Variants in MGAM observed in about 807,000 individuals in gnomAD.
The protein encoded by MGAM is alpha-1,4-glucosidase.
MGAM carries 253 observed loss-of-function variants against 358.8 expected under a neutral mutation model. The observed-to-expected ratio is 0.71, with a 90% CI of 0.64 to 0.78. The LOEUF (loss-of-function observed/expected upper bound fraction) is 0.78, where lower values mean the gene tolerates loss of function less well. Ranked by LOEUF, MGAM falls within the 30% of genes least tolerant of loss-of-function variation. The pLI, the probability that MGAM is intolerant of heterozygous loss-of-function variation, is 0.00. For synonymous variants in MGAM, 1,105 were observed against 1,227.1 expected (o/e 0.90, Z 2.08); for missense variants, 3,080 against 3,432.6 (o/e 0.90, Z 2.57).
Position 142,040,139 on chromosome 7 carries a change from G to A in MGAM, c.2341G>A (p.Val781Met), listed in dbSNP as rs1267649496. 1.2e-6 allele frequency: 2 copies of A among 1,612,794 alleles called. No individual in the cohort carries two copies. The highest frequency in any genetic ancestry group is 1.7e-6 in the Non-Finnish European group (2 of 1,179,226). Residue 781 changes from valine (V) to methionine (M), a missense_variant, in exon 20 of 71, where the codon GTG becomes ATG. Val to Met is a conservative substitution (Grantham distance 21, BLOSUM62 1). Transcript: ENST00000475668. Reference sequence around the variant, plus strand: ...GGGTGCAGAGAAAGTGATGGCATATGTGCCTGATGCTGTCTGGTATGACTA... The same window carrying A: ...GGGTGCAGAGAAAGTGATGGCATATATGCCTGATGCTGTCTGGTATGACTA... Reference protein sequence around the residue: ...DEGAEKVMAYVPDAVWYDYET... With the variant: ...DEGAEKVMAYMPDAVWYDYET...
chr7:142,071,096 C>T lies in MGAM; in HGVS notation c.5164C>T (p.Pro1722Ser). ...GGGCTACATCCTGCCCTGGCAAGAG[C>T]CTGCACTGAACACCCACTTAAGGTG... is the stretch of plus-strand genomic sequence containing the variant. ...RGGYILPWQE[P>S]ALNTHLSRKN... Residue 1722 changes from proline (P) to serine (S), a missense_variant, in exon 44 of 71, where the codon CCT becomes TCT. Physicochemically the swap from Pro to Ser is moderately conservative, Grantham distance 74. Around this residue, in one of 5 missense-constraint regions of MGAM, gnomAD observed 932 missense variants for 1,198.2 expected, o/e 0.78. Coordinates refer to ENST00000475668, the MANE Select transcript of MGAM (RefSeq NM_001365693.1). The T allele has an allele frequency of 1.3e-6, 2 of 1,555,822 alleles. No individual in the cohort carries two copies. Among genetic ancestry groups the T allele is most frequent in the Non-Finnish European group, 1.8e-6 (2 of 1,132,246 alleles).
intron 20 of MGAM, 169 bp downstream of exon 20, chr7:142,040,340 T>A (rs902307201): frequency 1.6e-6 from 1 of 622,140 alleles, no homozygotes; most frequent in Admixed American, 3.0e-5. Flanking sequence ...ACCGTTAACA[T>A]CAGTCATGAT....
intron 35 of MGAM, 43 bp from the exon 36 acceptor site, chr7:142,063,456 A>G (rs1371391792): frequency 6.3e-7 from 1 of 1,594,958 alleles, no homozygotes; most frequent in Non-Finnish European, 8.5e-7. Context: ...GCAGGACGTA[A>G]TTATCTTAAA....
intron 3 of MGAM, among the ~76,000 whole-genome samples, chr7:142,015,924 A>G (rs1416440124): frequency 1.3e-5 from 2 of 151,824 alleles, no homozygotes; most frequent in Non-Finnish European, 2.9e-5. Context: ...GTTTTTTTTA[A>G]TGAATCACAC....
intron 36 of MGAM, 134 bp from the exon 37 acceptor site, chr7:142,064,250 G>A: frequency 7.4e-7 from 1 of 1,342,850 alleles, no homozygotes; most frequent in Non-Finnish European, 1.0e-6. Context: ...CTGTGCTCAT[G>A]TCTCTGGGGA....
At chr7:142,002,967 A>G (rs1804851168) in intron 1 of MGAM, among the ~76,000 whole-genome samples, 1 of 136,436 alleles carries the variant, frequency 7.3e-6, no homozygotes, top group African/African-American at 2.6e-5. Context: ...CAAGAACTCA[A>G]TCCCATTTAC....
rs369689890 is a variant in MGAM, at chr7:142,021,013, T to C, written c.488T>C (p.Val163Ala). Residue 163 changes from valine to alanine, a missense_variant, in exon 5 of 71, where the codon GTG (valine) becomes GCG (alanine). Val to Ala is a moderately conservative substitution (Grantham distance 64). This residue lies in a region of MGAM where 1,816 missense variants were observed against 1,840.5 expected (regional missense o/e 0.99). Coordinates refer to ENST00000475668, the MANE Select transcript of MGAM (RefSeq NM_001365693.1). The part of the protein sequence containing the change: ...ARLKNLPSSP[V>A]FGSNVDNVLL... ...TTGAAAAATCTGCCTTCTTCACCAG[T>C]GTTTGGAAGCAATGTTGACAATGTT... 67 of 1,613,810 alleles carry C rather than the reference T, an allele frequency of 4.2e-5. No individual in the cohort carries two copies. In the African/African-American group the frequency reaches 8.5e-4, roughly 21 times the overall value.
intron 17 of MGAM, 51 bp from the exon 18 acceptor site, chr7:142,036,772 T>G (rs1343319715): frequency 1.3e-6 from 2 of 1,565,102 alleles, no homozygotes; most frequent in Non-Finnish European, 1.7e-6. Context: ...CTGCAGGTGC[T>G]TCTGCTATCC....
rs1815422089 is a variant in MGAM at position 142,091,925 on chromosome 7, T to C, written c.6823T>C (p.Tyr2275His). The change falls in exon 58 of 71, where the codon TAT becomes CAT. Residue 2275 changes from tyrosine to histidine, a missense_variant. By Grantham distance (83) the Tyr-to-His change is moderately conservative. Transcript: ENST00000475668. ...TTCTTTTTTATAGCTATATCGAGCTTATGTGGCCTTCCCAGACTTTTTCCG... is the reference window on the plus strand; with the variant it reads ...TTCTTTTTTATAGCTATATCGAGCTCATGTGGCCTTCCCAGACTTTTTCCG... ...WDSQVELYRA[Y>H]VAFPDFFRNS... 2.0e-6 allele frequency: 3 copies of C among 1,504,446 alleles called. No homozygotes were observed. The African/African-American group carries it at 4.1e-5, about 20-fold the overall frequency. The allele number at this position is 1,504,446 out of a possible 1,614,324, so 93.2% of individuals were successfully genotyped here.
At position 142,103,242 on chromosome 7, in the gene MGAM, A is replaced by G. The variant is rs779803451; in HGVS notation, c.8014-27A>G. The G allele has an allele frequency of 1.1e-5, 17 of 1,533,300 alleles. No homozygotes were observed. The East Asian group carries it at 2.5e-4, about 23-fold the overall frequency. 95.0% of individuals were successfully genotyped at this position (1,533,300 alleles called of 1,614,324 possible). On this transcript the variant is annotated intron_variant, in intron 69 of 70. Coordinates refer to ENST00000475668, the MANE Select transcript of MGAM (RefSeq NM_001365693.1). Reference sequence around the variant, plus strand: ...AAATTTGAACTAATTCTGCTATTATATTTTTCTTTTATCTCCAATTCAACA... The same window carrying G: ...AAATTTGAACTAATTCTGCTATTATGTTTTTCTTTTATCTCCAATTCAACA...
chr7:142,005,980 T>C (rs1805127090), intron 2 of MGAM, among the ~76,000 whole-genome samples: 1 of 151,982 alleles, frequency 6.6e-6, no homozygotes, highest in African/African-American at 2.4e-5. Context: ...AGCGAGTATA[T>C]GAGAGACTTC....
intron 54 of MGAM, among the ~76,000 whole-genome samples, chr7:142,085,193 G>A (rs1157665088): frequency 6.8e-6 from 1 of 146,264 alleles, no homozygotes; most frequent in Non-Finnish European, 1.5e-5. Context: ...GGATGGGAGG[G>A]GACCCAGTCA....
intron 21 of MGAM, among the ~76,000 whole-genome samples, chr7:142,042,050 A>G (rs372368456): frequency 3.3e-5 from 2 of 60,250 alleles, no homozygotes; most frequent in Admixed American, 2.8e-4. Context: ...TATAATATAT[A>G]ATATATATAC....
At chr7:141,988,178 C>T (rs1803790947) in intron 2 of MGAM, among the ~76,000 whole-genome samples, 1 of 151,974 alleles carries the variant, frequency 6.6e-6, no homozygotes, top group Non-Finnish European at 1.5e-5. Flanking sequence ...ATCCCAGCTA[C>T]TCAGGAGGCT....
At position 142,082,028 on chromosome 7, in the gene MGAM, T is replaced by C. The variant is rs1257317495; in HGVS notation, c.6003-14T>C. ...GCCCATTTTCTGTTTCAAATCTGCCTTTTTGTGTTTCAGTTGGGACTCTCA... is the reference window on the plus strand; with the variant it reads ...GCCCATTTTCTGTTTCAAATCTGCCCTTTTGTGTTTCAGTTGGGACTCTCA... On this transcript the variant is annotated splice_polypyrimidine_tract_variant and intron_variant, in intron 50 of 70. Transcript: ENST00000475668. 2 of 1,553,828 alleles carry C rather than the reference T, an allele frequency of 1.3e-6. No homozygotes were observed. Among genetic ancestry groups the C allele is most frequent in the African/African-American group, 2.7e-5 (2 of 74,560 alleles).
Position 142,021,035 on chromosome 7 carries a change from T to C in MGAM, c.510T>C (p.Asn170=), listed in dbSNP as rs540161721. 64 of 1,613,656 alleles carry C rather than the reference T, an allele frequency of 4.0e-5. 2 individuals are homozygous for C. In the South Asian group the frequency reaches 6.9e-4, roughly 17 times the overall value. The part of the protein sequence containing the change: ...SSPVFGSNVD[N]VLLTAEYQTS... ...CAGTGTTTGGAAGCAATGTTGACAA[T>C]GTTCTTCTCACAGCAGAATATCAGA... is the stretch of plus-strand genomic sequence containing the variant. Residue 170 remains asparagine (N), a synonymous_variant, in exon 5 of 71, where the codon AAT becomes AAC. Transcript: ENST00000475668.
chr7:142,029,306 G>A (rs1459517637), intron 10 of MGAM, among the ~76,000 whole-genome samples: 1 of 152,096 alleles, frequency 6.6e-6, no homozygotes, highest in Non-Finnish European at 1.5e-5. Context: ...GTTGCAGTGA[G>A]CTGAGATCGT....
intron 1 of MGAM, among the ~76,000 whole-genome samples, chr7:142,004,727 C>G (rs1333979363): frequency 1.3e-5 from 2 of 151,852 alleles, no homozygotes; most frequent in Non-Finnish European, 2.9e-5. Flanking sequence ...GAAAAAAATG[C>G]TGGTAGGAAT....
chr7:142,067,958 ATATATAAAT>A (rs1812945173), intron 42 of MGAM, among the ~76,000 whole-genome samples: 2 of 29,506 alleles, frequency 6.8e-5, no homozygotes, highest in African/African-American at 1.6e-4. Flanking sequence ...ATATATATAT[ATATATAAAT>A]ATATATATAT....
Sources: gnomAD v4.1 joint callset for allele counts (sites outside exome capture counted in the v4.1 genomes callset) on GRCh38, gnomAD v4.1.1 for gene constraint, gnomAD v4.1.1 regional missense constraint, MANE v1.5 for transcripts, NCBI Gene and HGNC (gene_info 2026-07-23, HGNC 2026-07-21) for gene names.